Variants in PARN observed in about 807,000 individuals in gnomAD.
PARN encodes the protein poly(A)-specific ribonuclease.
PARN carries 71 observed loss-of-function variants against 102.8 expected under a neutral mutation model. The observed-to-expected ratio is 0.69, with a 90% CI of 0.57 to 0.84. The LOEUF is 0.84. Ranked by LOEUF, PARN falls within the 40% of genes least tolerant of loss-of-function variation. The probability of loss-of-function intolerance (pLI) is 0.00; values close to 1 mark genes in which losing one functional copy is unlikely to be tolerated. For missense variants in PARN, 782 were observed against 760.9 expected (o/e 1.03, Z -0.33); for synonymous variants, 261 against 252.9 (o/e 1.03, Z -0.30).
At chr16:14,449,931 C>T (rs1266311174) in intron 22 of PARN, among the ~76,000 whole-genome samples, 1 of 152,094 alleles carries the variant, frequency 6.6e-6, no homozygotes, top group Non-Finnish European at 1.5e-5. Flanking sequence ...GGGAATGTGG[C>T]AATATCTAAC....
chr16:14,477,893 T>C (rs1258537304), intron 22 of PARN, among the ~76,000 whole-genome samples: 1 of 152,048 alleles, frequency 6.6e-6, no homozygotes, highest in Non-Finnish European at 1.5e-5. Context: ...ATGCAAAAAA[T>C]ATTTAACACA....
At chr16:14,518,387 T>C (rs974743337) in intron 21 of PARN, among the ~76,000 whole-genome samples, 4 of 147,608 alleles carry the variant, frequency 2.7e-5, no homozygotes, top group Non-Finnish European at 4.5e-5. Flanking sequence ...AGGCCAAACA[T>C]ATTGGCTATA....
At chr16:14,507,310 G>A (rs1014651076) in intron 21 of PARN, among the ~76,000 whole-genome samples, 11 of 151,432 alleles carry the variant, frequency 7.3e-5, no homozygotes, top group African/African-American at 2.7e-4. Flanking sequence ...TGGGCAACAA[G>A]AGGGAAATTC....
chr16:14,550,539 T>G (rs1323845623), intron 21 of PARN, among the ~76,000 whole-genome samples: 2 of 152,328 alleles, frequency 1.3e-5, no homozygotes. Context: ...TGTTAAGTGA[T>G]GCTGCAGTAT....
chr16:14,607,706 G>A (rs1971279542), intron 9 of PARN, among the ~76,000 whole-genome samples: 1 of 152,160 alleles, frequency 6.6e-6, no homozygotes, highest in South Asian at 2.1e-4. Context: ...TGTGTTCAAA[G>A]TATATTCCCA....
chr16:14,593,910 T>C (rs1970351432), intron 12 of PARN, among the ~76,000 whole-genome samples: 1 of 151,778 alleles, frequency 6.6e-6, no homozygotes, highest in Admixed American at 6.6e-5. Flanking sequence ...GGCAGGAGAA[T>C]CGCTGGAACC....
intron 13 of PARN, among the ~76,000 whole-genome samples, chr16:14,590,234 CAAAAAAA>C (rs11302769): frequency 4.4e-5 from 2 of 45,952 alleles, no homozygotes; most frequent in Admixed American, 4.0e-4. Flanking sequence ...GACTCCATCT[CAAAAAAA>C]AAAAAAAAAA....
At chr16:14,590,136 A>G (rs968307548) in intron 13 of PARN, among the ~76,000 whole-genome samples, 1 of 147,618 alleles carries the variant, frequency 6.8e-6, no homozygotes, top group Non-Finnish European at 1.5e-5. Context: ...CTGTAATCCC[A>G]GCTACTCGGG....
chr16:14,535,264 G>GC (rs1966562186), intron 21 of PARN, among the ~76,000 whole-genome samples: 1 of 152,186 alleles, frequency 6.6e-6, no homozygotes, highest in African/African-American at 2.4e-5. Flanking sequence ...GGTCACCACT[G>GC]CCATCAATTT....
chr16:14,616,860 T>C (rs989321533), intron 6 of PARN, among the ~76,000 whole-genome samples: 1 of 152,066 alleles, frequency 6.6e-6, no homozygotes, highest in Non-Finnish European at 1.5e-5. Context: ...ACAGCATCAG[T>C]GGAATACAGG....
chr16:14,537,605 A>T (rs980136621), intron 21 of PARN, among the ~76,000 whole-genome samples: 2 of 152,230 alleles, frequency 1.3e-5, no homozygotes, highest in Admixed American at 6.5e-5. Flanking sequence ...TTAGCCAAAA[A>T]AAAGAATGAA....
At chr16:14,626,743 G>A (rs1441453197) in intron 5 of PARN, among the ~76,000 whole-genome samples, 1 of 151,514 alleles carries the variant, frequency 6.6e-6, no homozygotes, top group East Asian at 1.9e-4. Flanking sequence ...TCCCTAAGTA[G>A]CTGGGATTAC....
intron 13 of PARN, 32 bp downstream of exon 13, chr16:14,593,269 T>C: frequency 8.7e-7 from 1 of 1,143,734 alleles, no homozygotes; most frequent in Non-Finnish European, 1.3e-6. Flanking sequence ...AGAATCCTGC[T>C]AATATTAAAC....
Position 14,630,233 on chromosome 16 carries a change from G to T in PARN, c.-108C>A, listed in dbSNP as rs962745992. ...CGGCAGTAGCTGAGGCAGCCGCAGC[G>T]GTGACGCCGGCCGCGACTTCCGGAA... On this transcript the variant is annotated 5_prime_UTR_variant, in exon 1 of 24. Coordinates refer to ENST00000437198, the MANE Select transcript of PARN (RefSeq NM_002582.4). 1.2e-5 allele frequency: 12 copies of T among 976,380 alleles called. No homozygotes were observed. The African/African-American group carries it at 1.4e-4, about 11-fold the overall frequency. 60.5% of individuals were successfully genotyped at this position (976,380 alleles called of 1,614,324 possible).
At chr16:14,561,274 T>G (rs992608511) in intron 18 of PARN, among the ~76,000 whole-genome samples, 1 of 152,070 alleles carries the variant, frequency 6.6e-6, no homozygotes, top group East Asian at 1.9e-4. Context: ...ATATAGAACC[T>G]TGAACCGTTA....
At chr16:14,460,423 A>C (rs1961901605) in intron 22 of PARN, among the ~76,000 whole-genome samples, 1 of 152,244 alleles carries the variant, frequency 6.6e-6, no homozygotes, top group South Asian at 2.1e-4. Flanking sequence ...CTTTGCACGT[A>C]GTACAGGATC....
chr16:14,545,163 G>A (rs985300351), intron 21 of PARN, among the ~76,000 whole-genome samples: 1 of 152,208 alleles, frequency 6.6e-6, no homozygotes, highest in Non-Finnish European at 1.5e-5. Context: ...CTGGGTGACA[G>A]AGCCAGACTC....
At position 14,599,867 on chromosome 16, in the gene PARN, T is replaced by C. The variant is rs553072952; in HGVS notation, c.840+37A>G. On this transcript the variant is annotated intron_variant, in intron 12 of 23. Transcript: ENST00000437198. ...ATTAGATACTTCACCTGAAATAGTA[T>C]GTTCTGCAATCTTGCTAAAAAGTCT... is the stretch of plus-strand genomic sequence containing the variant. 9 of 1,315,072 alleles carry C rather than the reference T, an allele frequency of 6.8e-6. No individual in the cohort carries two copies. The South Asian group carries it at 8.7e-5, about 13-fold the overall frequency. 81.5% of individuals were successfully genotyped at this position (1,315,072 alleles called of 1,614,324 possible). A position where few individuals can be genotyped will look rare whatever the true frequency, so the allele number is the denominator to read the frequency against.
At chr16:14,592,435 TAA>T (rs1648057887) in intron 13 of PARN, among the ~76,000 whole-genome samples, 2 of 150,316 alleles carry the variant, frequency 1.3e-5, no homozygotes. Context: ...GAAGAGGAAA[TAA>T]AAGAGTGGAG....
Sources: allele counts gnomAD v4.1 joint callset (sites outside exome capture counted in the v4.1 genomes callset), GRCh38; gene constraint gnomAD v4.1.1; transcripts MANE v1.5; gene names NCBI Gene and HGNC (gene_info 2026-07-23, HGNC 2026-07-21).